DNER: variants seen among roughly 807,000 people sequenced by gnomAD.
The protein encoded by DNER is delta and Notch-like epidermal growth factor-related receptor.
A neutral mutation model predicts 78.2 loss-of-function variants in DNER; 33 were observed. That is an observed-to-expected ratio of 0.42 (90% confidence interval 0.32 to 0.56). The LOEUF is 0.56. Among genes scored for constraint, DNER ranks in the 20% least tolerant of loss-of-function variants. DNER has a pLI of 0.11. For missense variants in DNER, 918 were observed against 975.3 expected (o/e 0.94, Z 0.78); for synonymous variants, 417 against 384.8 (o/e 1.08, Z -0.98).
chr2:229,645,649 C>A (rs1187964044), intron 1 of DNER, among the ~76,000 whole-genome samples: 1 of 152,108 alleles, frequency 6.6e-6, no homozygotes, highest in Non-Finnish European at 1.5e-5. Context: ...GGAGATGAAC[C>A]AGGAACATGG....
intron 1 of DNER, among the ~76,000 whole-genome samples, chr2:229,636,411 C>T (rs1250851810): frequency 3.9e-5 from 6 of 152,204 alleles, no homozygotes; most frequent in South Asian, 2.1e-4. Context: ...ACAGAAGGCA[C>T]CCTCGAGAAG....
chr2:229,559,089 G>A (rs1168756962), intron 4 of DNER, among the ~76,000 whole-genome samples: 1 of 152,132 alleles, frequency 6.6e-6, no homozygotes, highest in African/African-American at 2.4e-5. Flanking sequence ...GATAGTTTAG[G>A]CAACTTTGTG....
intron 7 of DNER, among the ~76,000 whole-genome samples, chr2:229,448,852 G>T (rs554286238): frequency 1.3e-5 from 2 of 151,990 alleles, no homozygotes; most frequent in Non-Finnish European, 2.9e-5. Context: ...TCTATTACAC[G>T]TCTCTTGTTT....
chr2:229,684,005 T>C (rs1485947641), intron 1 of DNER, among the ~76,000 whole-genome samples: 1 of 152,058 alleles, frequency 6.6e-6, no homozygotes, highest in South Asian at 2.1e-4. Context: ...GCTGGTCTTG[T>C]GGGAGAGCTG....
At chr2:229,582,276 A>C (rs1447402014) in intron 4 of DNER, among the ~76,000 whole-genome samples, 1 of 152,216 alleles carries the variant, frequency 6.6e-6, no homozygotes, top group Admixed American at 6.5e-5. Flanking sequence ...AGGCTTCCGC[A>C]AAGATTGCAA....
At chr2:229,669,383 T>C (rs1011647299) in intron 1 of DNER, among the ~76,000 whole-genome samples, 5 of 151,468 alleles carry the variant, frequency 3.3e-5, no homozygotes, top group Non-Finnish European at 7.4e-5. Flanking sequence ...TATATATATA[T>C]ATATAAAAGA....
chr2:229,394,599 C>T (rs1299652312), intron 10 of DNER, among the ~76,000 whole-genome samples: 2 of 152,146 alleles, frequency 1.3e-5, no homozygotes, highest in African/African-American at 2.4e-5. Flanking sequence ...CTTTTAGACG[C>T]TTGTGTGTGG....
At chr2:229,410,406 G>C (rs1693485233) in intron 9 of DNER, among the ~76,000 whole-genome samples, 1 of 152,166 alleles carries the variant, frequency 6.6e-6, no homozygotes, top group African/African-American at 2.4e-5. Context: ...CTTTCAAGAG[G>C]GGCGACAGCC....
Position 229,662,327 on chromosome 2 carries a change from C to A in DNER, c.276+51821G>T, listed in dbSNP as rs116946556. Among the ~76,000 whole-genome samples the A allele has an allele frequency of 1.4e-3, 206 of 152,274 alleles. 1 individual carries two copies. In the East Asian group the frequency reaches 0.031, roughly 23 times the overall value. On this transcript the variant is annotated intron_variant, in intron 1 of 12. Transcript: ENST00000341772. The stretch of plus-strand genomic sequence containing the variant: ...CTCATCCAAAAGGGTACACTGTTGA[C>A]AGACAAAAGTAGACCTAAGGAAAAA...
At chr2:229,688,624 C>T (rs954298853) in intron 1 of DNER, among the ~76,000 whole-genome samples, 1 of 152,168 alleles carries the variant, frequency 6.6e-6, no homozygotes, top group East Asian at 1.9e-4. Flanking sequence ...ACACTAGGAC[C>T]TTTAAAAGCA....
At chr2:229,594,594 A>AAAT (rs1480904376) in intron 1 of DNER, among the ~76,000 whole-genome samples, 4,045 of 151,260 alleles carry the variant, frequency 0.027, 84 homozygotes, top group Non-Finnish European at 0.042. Flanking sequence ...CTCAAAAAAA[A>AAAT]AAAACAAAAC....
intron 1 of DNER, among the ~76,000 whole-genome samples, chr2:229,682,651 C>T (rs1312227069): frequency 6.6e-6 from 1 of 152,140 alleles, no homozygotes; most frequent in Non-Finnish European, 1.5e-5. Flanking sequence ...AGTTTGAAAC[C>T]AGCCTGGCCA....
At chr2:229,606,490 T>A (rs1268264940) in intron 1 of DNER, among the ~76,000 whole-genome samples, 7 of 150,808 alleles carry the variant, frequency 4.6e-5, no homozygotes, top group Non-Finnish European at 8.9e-5. Context: ...GTCTTTGGAT[T>A]AAAAAAAAAT....
At chr2:229,507,730 C>CTA (rs1695774229) in intron 6 of DNER, among the ~76,000 whole-genome samples, 1 of 151,978 alleles carries the variant, frequency 6.6e-6, no homozygotes, top group Non-Finnish European at 1.5e-5. Context: ...CTATTTCATA[C>CTA]TATATATATG....
intron 1 of DNER, among the ~76,000 whole-genome samples, chr2:229,637,383 G>T (rs1698547251): frequency 6.6e-6 from 1 of 152,164 alleles, no homozygotes; most frequent in Non-Finnish European, 1.5e-5. Flanking sequence ...TGCTGAAGTT[G>T]GTTCATTGCC....
At chr2:229,360,010 C>A (rs898042096) in intron 12 of DNER, among the ~76,000 whole-genome samples, 3 of 152,210 alleles carry the variant, frequency 2.0e-5, no homozygotes, top group African/African-American at 2.4e-5. Context: ...GAAGGTCCAC[C>A]ATTGTGCTCA....
Position 229,714,264 on chromosome 2 carries a change from G to C in DNER, c.160C>G (p.Arg54Gly). Residue 54 changes from arginine (R) to glycine (G), a missense_variant, in exon 1 of 13, where the codon CGG becomes GGG. Physicochemically the swap from Arg to Gly is moderately radical, Grantham distance 125. Transcript: ENST00000341772. Reference protein sequence around the residue: ...APGPCAAQPCRNGGVCTSRPE... With the variant: ...APGPCAAQPCGNGGVCTSRPE... ...CGCGAGGTGCACACACCCCCATTCC[G>C]GCAGGGCTGCGCGGCGCACGGCCCG... is the stretch of plus-strand genomic sequence containing the variant. 1 of 1,400,866 alleles carries C rather than the reference G, an allele frequency of 7.1e-7. No individual in the cohort carries two copies. The highest frequency in any genetic ancestry group is 9.3e-7 in the Non-Finnish European group (1 of 1,078,646). The allele number at this position is 1,400,866 out of a possible 1,614,324, so 86.8% of individuals were successfully genotyped here.
chr2:229,552,935 C>T (rs1351132995), intron 4 of DNER, among the ~76,000 whole-genome samples: 3 of 152,104 alleles, frequency 2.0e-5, no homozygotes, highest in African/African-American at 7.2e-5. Flanking sequence ...CCCGGGCTTG[C>T]GACAAGGCCA....
chr2:229,561,873 T>C (rs924997931), intron 4 of DNER, among the ~76,000 whole-genome samples: 4 of 152,154 alleles, frequency 2.6e-5, no homozygotes, highest in Non-Finnish European at 4.4e-5. Flanking sequence ...CTAAAGTATG[T>C]TTCTCCTCTG....
Sources: allele counts gnomAD v4.1 joint callset (sites outside exome capture counted in the v4.1 genomes callset), GRCh38; gene constraint gnomAD v4.1.1; transcripts MANE v1.5; gene names NCBI Gene and HGNC (gene_info 2026-07-23, HGNC 2026-07-21).